Variants in C18orf63 observed in about 807,000 individuals in gnomAD.
The protein encoded by C18orf63 is chromosome 18 open reading frame 63.
A neutral mutation model predicts 75.3 loss-of-function variants in C18orf63; 50 were observed. That is an observed-to-expected ratio of 0.66 (90% confidence interval 0.53 to 0.84). The LOEUF is 0.84. Among genes scored for constraint, C18orf63 ranks in the 40% least tolerant of loss-of-function variants. The pLI is 0.00. For synonymous variants in C18orf63, 232 were observed against 267.6 expected (o/e 0.87, Z 1.30); for missense variants, 732 against 800.2 (o/e 0.91, Z 1.03).
intron 7 of C18orf63, among the ~76,000 whole-genome samples, chr18:74,332,943 T>C (rs1387063435): frequency 1.3e-5 from 2 of 152,170 alleles, no homozygotes; most frequent in Admixed American, 1.3e-4. Flanking sequence ...ACACCTCAGT[T>C]TGAACCAATT....
intron 7 of C18orf63, among the ~76,000 whole-genome samples, chr18:74,333,825 A>G (rs1984348378): frequency 6.6e-6 from 1 of 152,152 alleles, no homozygotes; most frequent in African/African-American, 2.4e-5. Context: ...GCATGGAAGG[A>G]AACACCAAAA....
chr18:74,342,474 A>G, intron 10 of C18orf63, 148 bp downstream of exon 10: 1 of 570,408 alleles, frequency 1.8e-6, no homozygotes. Context: ...TATCTGCACA[A>G]GTGTTTCTGG....
Position 74,353,511 on chromosome 18 carries a change from G to T in C18orf63, c.1244G>T (p.Arg415Ile), listed in dbSNP as rs1027406584. 2.0e-6 allele frequency: 3 copies of T among 1,536,496 alleles called. No individual in the cohort carries two copies. In the African/African-American group the frequency reaches 4.1e-5, roughly 21 times the overall value. The change falls in exon 12 of 14, where the codon AGA (arginine) becomes ATA (isoleucine). Residue 415 changes from arginine (R) to isoleucine (I), a missense_variant. Transcript: ENST00000579455. ...CATTCAGAAGTATTAATGCCCAACA[G>T]AGGAAATACTCAAGTTCAGCACACA... ...QVHSEVLMPN[R>I]GNTQVQHTNL...
intron 4 of C18orf63, among the ~76,000 whole-genome samples, chr18:74,324,656 A>G (rs1230466962): frequency 1.3e-5 from 2 of 152,220 alleles, no homozygotes; most frequent in East Asian, 1.9e-4. Flanking sequence ...AAAAAATGAA[A>G]AATTAAGAAA....
At chr18:74,346,301 A>G (rs952338881) in intron 11 of C18orf63, among the ~76,000 whole-genome samples, 1 of 152,144 alleles carries the variant, frequency 6.6e-6, no homozygotes, top group Non-Finnish European at 1.5e-5. Flanking sequence ...ATCTCCCAAC[A>G]TGATGTGGAT....
intron 8 of C18orf63, among the ~76,000 whole-genome samples, chr18:74,341,541 A>G (rs977096501): frequency 1.3e-5 from 2 of 152,052 alleles, no homozygotes; most frequent in Non-Finnish European, 2.9e-5. Flanking sequence ...TTAGCTGAGC[A>G]TAGTGGTGCA....
At position 74,358,337 on chromosome 18, in the gene C18orf63, T is replaced by C. The variant is rs1276152793; in HGVS notation, c.*1890T>C. ...TTTGATTTTTATCTTACAATATTTA[T>C]CCTAATGAAAGTTATAAAAATATAT... On this transcript the variant is annotated 3_prime_UTR_variant, in exon 14 of 14. Coordinates refer to ENST00000579455, the MANE Select transcript of C18orf63 (RefSeq NM_001174123.2). 6.6e-6 allele frequency: 1 copy of C among 152,116 alleles called. No individual in the cohort carries two copies. Among genetic ancestry groups the C allele is most frequent in the Non-Finnish European group, 1.5e-5 (1 of 68,004 alleles). The allele number at this position is 152,116 out of a possible 1,614,324, so 9.4% of individuals were successfully genotyped here. A position where few individuals can be genotyped will look rare whatever the true frequency, so the allele number is the denominator to read the frequency against.
At chr18:74,324,484 T>C (rs1342822005) in intron 4 of C18orf63, among the ~76,000 whole-genome samples, 1 of 152,190 alleles carries the variant, frequency 6.6e-6, no homozygotes, top group Non-Finnish European at 1.5e-5. Context: ...GTTTTAGCAA[T>C]AGCCAAAACC....
In C18orf63 at chr18:74,326,585, G is replaced by T. The variant is rs1039645017; in HGVS notation, c.271-1362G>T. ...TCTCCTCAATTCAGGGAGACTACTG[G>T]CCTGTTCCTAGGTTCCCCTGCTCTG... On this transcript the variant is annotated intron_variant, in intron 4 of 13. Transcript: ENST00000579455. Among the ~76,000 whole-genome samples, 3 of 152,274 alleles carry T rather than the reference G, an allele frequency of 2.0e-5. No homozygotes were observed. The South Asian group carries it at 6.2e-4, about 32-fold the overall frequency.
chr18:74,343,069 C>T (rs1984515348), intron 10 of C18orf63, among the ~76,000 whole-genome samples: 1 of 152,122 alleles, frequency 6.6e-6, no homozygotes, highest in Non-Finnish European at 1.5e-5. Context: ...GAATATGTTT[C>T]ATCAGAAAAA....
rs77338977 is a variant in C18orf63 at position 74,329,059 on chromosome 18, A to G, written c.424+23A>G. On this transcript the variant is annotated intron_variant, in intron 6 of 13. Coordinates refer to ENST00000579455, the MANE Select transcript of C18orf63 (RefSeq NM_001174123.2). ...TTGGTAAGTAAAAATGCATAAGTCA[A>G]TAGATAAAACAATATAATTCATAGT... The G allele has an allele frequency of 6.6e-3, 9,319 of 1,403,786 alleles. 536 individuals carry two copies. The East Asian group carries it at 0.15, about 22-fold the overall frequency. The allele number at this position is 1,403,786 out of a possible 1,614,324, so 87.0% of individuals were successfully genotyped here.
intron 3 of C18orf63, among the ~76,000 whole-genome samples, chr18:74,321,191 A>C (rs555373685): frequency 2.0e-5 from 3 of 152,300 alleles, no homozygotes; most frequent in African/African-American, 7.2e-5. Context: ...CAGTGAAATC[A>C]GCATTTATTG....
intron 8 of C18orf63, among the ~76,000 whole-genome samples, chr18:74,339,687 A>C (rs1321736651): frequency 1.3e-5 from 2 of 152,178 alleles, no homozygotes; most frequent in Non-Finnish European, 2.9e-5. Flanking sequence ...CAACTTGTAA[A>C]GGAAGAAGTT....
intron 8 of C18orf63, among the ~76,000 whole-genome samples, chr18:74,339,318 T>C (rs1003371792): frequency 8.6e-5 from 13 of 151,962 alleles, no homozygotes; most frequent in African/African-American, 2.9e-4. Flanking sequence ...TGGGAGGAGG[T>C]AGGTAGAAAA....
rs1012357763 is a variant in C18orf63 at position 74,358,730 on chromosome 18, G to C, written c.*2283G>C. 1 of 152,020 alleles carries C rather than the reference G, an allele frequency of 6.6e-6. No individual in the cohort carries two copies. Among genetic ancestry groups the C allele is most frequent in the Non-Finnish European group, 1.5e-5 (1 of 67,974 alleles). The allele number at this position is 152,020 out of a possible 1,614,324, so 9.4% of individuals were successfully genotyped here. Reference sequence around the variant, plus strand: ...ATGTCCAGGAGCTGAAGAAATCAGCGATTACTTTAAAAAATATATGGCAAT... The same window carrying C: ...ATGTCCAGGAGCTGAAGAAATCAGCCATTACTTTAAAAAATATATGGCAAT... On this transcript the variant is annotated 3_prime_UTR_variant, in exon 14 of 14. Transcript: ENST00000579455.
At chr18:74,329,779 C>G (rs547083764) in intron 6 of C18orf63, among the ~76,000 whole-genome samples, 1 of 152,258 alleles carries the variant, frequency 6.6e-6, no homozygotes, top group South Asian at 2.1e-4. Flanking sequence ...ACTACATGGC[C>G]TAATCCAGTT....
At position 74,330,966 on chromosome 18, in the gene C18orf63, A is replaced by G. The variant is rs1311840370; in HGVS notation, c.501+24A>G. ...AGGTACCATATATTGTGATTTCTAT[A>G]CTTTATTATATTTACTATATACTTT... On this transcript the variant is annotated intron_variant, in intron 7 of 13. Coordinates refer to ENST00000579455, the MANE Select transcript of C18orf63 (RefSeq NM_001174123.2). 3.3e-5 allele frequency: 34 copies of G among 1,031,134 alleles called. 1 individual carries two copies. Among genetic ancestry groups the G allele is most frequent in the Admixed American group, 1.3e-4 (4 of 31,930 alleles). 63.9% of individuals were successfully genotyped at this position (1,031,134 alleles called of 1,614,324 possible). A position where few individuals can be genotyped will look rare whatever the true frequency, so the allele number is the denominator to read the frequency against.
At chr18:74,340,002 C>A (rs1984453440) in intron 8 of C18orf63, among the ~76,000 whole-genome samples, 1 of 152,052 alleles carries the variant, frequency 6.6e-6, no homozygotes, top group Non-Finnish European at 1.5e-5. Flanking sequence ...CAAAAATAGA[C>A]AAATGTGGTT....
At chr18:74,342,363 G>T (rs1984503736) in intron 10 of C18orf63, 37 bp downstream of exon 10, 2 of 1,233,178 alleles carry the variant, frequency 1.6e-6, no homozygotes, top group Non-Finnish European at 2.3e-6. Context: ...GATGCTGTCT[G>T]CCCACCTTAT....
Sources: allele counts gnomAD v4.1 joint callset (sites outside exome capture counted in the v4.1 genomes callset), GRCh38; gene constraint gnomAD v4.1.1; transcripts MANE v1.5; gene names NCBI Gene and HGNC (gene_info 2026-07-23, HGNC 2026-07-21).